SEC14L1: variants seen among roughly 807,000 people sequenced by gnomAD.
The protein encoded by SEC14L1 is SEC14 like lipid binding 1, also known as SEC14-like protein 1.
Under a neutral mutation model 85.3 loss-of-function variants are expected in SEC14L1, and 48 were observed. The observed-to-expected ratio is 0.56, with a 90% CI of 0.45 to 0.72. The LOEUF (loss-of-function observed/expected upper bound fraction) is 0.72, where lower values mean the gene tolerates loss of function less well. Among genes scored for constraint, SEC14L1 ranks in the 30% least tolerant of loss-of-function variants. SEC14L1 has a pLI of 0.00. For missense variants in SEC14L1, 682 were observed against 921.4 expected (o/e 0.74, Z 3.36); for synonymous variants, 391 against 355.5 (o/e 1.10, Z -1.12).
At chr17:77,136,697 T>C (rs1474348060), upstream of SEC14L1, among the ~76,000 whole-genome samples, 1 of 152,142 alleles carries the variant, frequency 6.6e-6, no homozygotes, top group Admixed American at 6.5e-5. Context: ...GGAAGCGTCG[T>C]TCGGGGAGCA....
Position 77,214,135 on chromosome 17 carries a change from T to G in SEC14L1, c.*112T>G. The G allele has an allele frequency of 6.8e-7, 1 of 1,477,086 alleles. No homozygotes were observed. The highest frequency in any genetic ancestry group is 9.0e-7 in the Non-Finnish European group (1 of 1,116,508). The allele number at this position is 1,477,086 out of a possible 1,614,324, so 91.5% of individuals were successfully genotyped here. A position where few individuals can be genotyped will look rare whatever the true frequency, so the allele number is the denominator to read the frequency against. ...TGTACAGACTCCTCTCACCTCTAGA[T>G]AGCAAATAGCTCTCAGATGGTAAAC... On this transcript the variant is annotated 3_prime_UTR_variant, in exon 17 of 17. Coordinates refer to ENST00000436233, the MANE Select transcript of SEC14L1 (RefSeq NM_001143998.2).
At chr17:77,106,475 T>C (rs1047012274) in intron 3 of SEC14L1, among the ~76,000 whole-genome samples, 11 of 151,526 alleles carry the variant, frequency 7.3e-5, no homozygotes, top group Middle Eastern at 6.8e-3. Context: ...GAGGTTGCAG[T>C]GAGCCGAGAT....
chr17:77,185,492 C>T (rs963734640), intron 3 of SEC14L1: 2 of 521,198 alleles, frequency 3.8e-6, no homozygotes, highest in Non-Finnish European at 4.9e-6. Flanking sequence ...GTGGGTGACA[C>T]CTTATGCTGA....
intron 5 of SEC14L1, among the ~76,000 whole-genome samples, chr17:77,191,945 C>T (rs1051824168): frequency 7.2e-5 from 11 of 151,910 alleles, no homozygotes; most frequent in African/African-American, 1.9e-4. Flanking sequence ...TACAGGCACT[C>T]GCCACCACGC....
chr17:77,126,980 T>A (rs1482299614), intron 3 of SEC14L1, among the ~76,000 whole-genome samples: 3 of 152,026 alleles, frequency 2.0e-5, no homozygotes, highest in African/African-American at 7.2e-5. Context: ...TCTCTTTTTT[T>A]TAATTTTTAT....
intron 3 of SEC14L1, among the ~76,000 whole-genome samples, chr17:77,165,662 A>G (rs1304179462): frequency 6.6e-6 from 1 of 152,226 alleles, no homozygotes; most frequent in African/African-American, 2.4e-5. Flanking sequence ...GAACTGAAGT[A>G]TGATCATTTT....
chr17:77,163,936 G>A (rs1974176866), intron 3 of SEC14L1, among the ~76,000 whole-genome samples: 1 of 152,204 alleles, frequency 6.6e-6, no homozygotes, highest in Non-Finnish European at 1.5e-5. Context: ...CTGGAGAGGA[G>A]CCTGGGCTCC....
At position 77,216,360 on chromosome 17, in the gene SEC14L1, A is replaced by T. The variant is rs1977091831; in HGVS notation, c.*2337A>T. The stretch of plus-strand genomic sequence containing the variant: ...GGTAGGGTTAGTAGGTAGGGCTAGT[A>T]GGTAGGGCTAGTAGGTAGGGCTAGT... On this transcript the variant is annotated 3_prime_UTR_variant, in exon 17 of 17. Coordinates refer to ENST00000436233, the MANE Select transcript of SEC14L1 (RefSeq NM_001143998.2). 9 of 1,395,806 alleles carry T rather than the reference A, an allele frequency of 6.4e-6. No individual in the cohort carries two copies. Among genetic ancestry groups the T allele is most frequent in the Non-Finnish European group, 8.4e-6 (9 of 1,074,066 alleles). The allele number at this position is 1,395,806 out of a possible 1,614,324, so 86.5% of individuals were successfully genotyped here.
At chr17:77,200,203 T>C (rs1462231021) in intron 8 of SEC14L1, among the ~76,000 whole-genome samples, 1 of 152,138 alleles carries the variant, frequency 6.6e-6, no homozygotes, top group East Asian at 1.9e-4. Flanking sequence ...TCTTATTCCC[T>C]TAGCAACTTT....
At chr17:77,140,167 C>T (rs895653444), upstream of SEC14L1, among the ~76,000 whole-genome samples, 2 of 152,180 alleles carry the variant, frequency 1.3e-5, no homozygotes, top group South Asian at 2.1e-4. Context: ...TCAGTGGTAC[C>T]GGATTGAAAA....
At chr17:77,187,975 G>C (rs1004712358) in intron 3 of SEC14L1, among the ~76,000 whole-genome samples, 1 of 151,972 alleles carries the variant, frequency 6.6e-6, no homozygotes, top group Non-Finnish European at 1.5e-5. Context: ...AAACTCCTGG[G>C]CTCAAGTGAT....
Position 77,213,627 on chromosome 17 carries a change from C to T in SEC14L1, c.2042+135C>T, listed in dbSNP as rs1207016824. 2 of 1,104,540 alleles carry T rather than the reference C, an allele frequency of 1.8e-6. No individual in the cohort carries two copies. Among genetic ancestry groups the T allele is most frequent in the Non-Finnish European group, 2.7e-6 (2 of 751,384 alleles). The allele number at this position is 1,104,540 out of a possible 1,614,324, so 68.4% of individuals were successfully genotyped here. On this transcript the variant is annotated intron_variant, in intron 16 of 16. Coordinates refer to ENST00000436233, the MANE Select transcript of SEC14L1 (RefSeq NM_001143998.2). This position sits in a 1 kb window ranked among gnomAD's most constrained non-coding sequence, Gnocchi z 7.1. ...TGCTTGGAGGGCCAGGAGGGAGTGGCTTTGGGGTCATTTGTTGGCACGGTG... is the reference window on the plus strand; with the variant it reads ...TGCTTGGAGGGCCAGGAGGGAGTGGTTTTGGGGTCATTTGTTGGCACGGTG...
chr17:77,172,856 A>G, intron 3 of SEC14L1, among the ~76,000 whole-genome samples: 1 of 152,184 alleles, frequency 6.6e-6, no homozygotes, highest in East Asian at 1.9e-4. Context: ...CAGTTCTCCA[A>G]GGTCTTGCAT....
At chr17:77,102,966 G>A (rs1172952115) in intron 3 of SEC14L1, among the ~76,000 whole-genome samples, 1 of 151,914 alleles carries the variant, frequency 6.6e-6, no homozygotes, top group Non-Finnish European at 1.5e-5. Flanking sequence ...ACCATGCCTG[G>A]CTAATTGTTT....
rs766487273 is a variant in SEC14L1 at position 77,203,646 on chromosome 17, C to G, written c.1086C>G (p.Ala362=). 1.9e-6 allele frequency: 3 copies of G among 1,613,190 alleles called. No individual in the cohort carries two copies. Among genetic ancestry groups the G allele is most frequent in the Non-Finnish European group, 2.5e-6 (3 of 1,179,756 alleles). Residue 362 remains alanine (A), a synonymous_variant, in exon 10 of 17, where the codon GCC becomes GCG. Coordinates refer to ENST00000436233, the MANE Select transcript of SEC14L1 (RefSeq NM_001143998.2). The part of the protein sequence containing the change: ...KGLVRALGEE[A]LLRYVLSINE... ...TGGTGAGAGCGCTCGGGGAGGAAGC[C>G]CTGCTGAGATACGTAAGTGCGCGGC...
At chr17:77,161,653 G>A (rs1383533541) in intron 3 of SEC14L1, among the ~76,000 whole-genome samples, 1 of 150,432 alleles carries the variant, frequency 6.6e-6, no homozygotes, top group African/African-American at 2.4e-5. Context: ...GGATTTCTTT[G>A]CCATAGAGAT....
chr17:77,159,620 C>G (rs1003212965), intron 3 of SEC14L1, among the ~76,000 whole-genome samples: 5 of 150,020 alleles, frequency 3.3e-5, no homozygotes, highest in Admixed American at 2.7e-4. Context: ...ACCTCATGAT[C>G]TGCCTGCCTC....
At chr17:77,137,066 T>A (rs547988564), upstream of SEC14L1, among the ~76,000 whole-genome samples, 5 of 152,092 alleles carry the variant, frequency 3.3e-5, no homozygotes, top group African/African-American at 1.2e-4. Context: ...TGTGCCACCA[T>A]GCCTGGTTAA....
intron 3 of SEC14L1, among the ~76,000 whole-genome samples, chr17:77,115,149 G>T (rs1198909587): frequency 6.6e-6 from 1 of 150,668 alleles, no homozygotes; most frequent in Non-Finnish European, 1.5e-5. Flanking sequence ...CTGCAAGCCC[G>T]GCCGGGCACG....
Sources: gnomAD v4.1 joint callset for allele counts (sites outside exome capture counted in the v4.1 genomes callset) on GRCh38, gnomAD v4.1.1 for gene constraint, Gnocchi (gnomAD v3.1) non-coding constraint, MANE v1.5 for transcripts, NCBI Gene and HGNC (gene_info 2026-07-23, HGNC 2026-07-21) for gene names.